UTRN: variants seen among roughly 807,000 people sequenced by gnomAD.
The protein encoded by UTRN is dystrophin-related protein 1.
UTRN carries 283 observed loss-of-function variants against 463.9 expected under a neutral mutation model. The observed-to-expected ratio is 0.61, with a 90% CI of 0.55 to 0.67. The LOEUF (loss-of-function observed/expected upper bound fraction) is 0.67. UTRN is among the 30% of genes least tolerant of loss of function. UTRN has a pLI of 0.00. For synonymous variants in UTRN, 1,442 were observed against 1,431.5 expected (o/e 1.01, Z -0.17); for missense variants, 3,922 against 4,084.3 (o/e 0.96, Z 1.08).
intron 3 of UTRN, among the ~76,000 whole-genome samples, chr6:144,417,908 T>C (rs868032525): frequency 6.6e-6 from 1 of 152,170 alleles, no homozygotes; most frequent in Admixed American, 6.5e-5. Flanking sequence ...TGTTCTCATG[T>C]TCAGGGCCTG....
intron 2 of UTRN, among the ~76,000 whole-genome samples, chr6:144,367,615 A>G (rs1200638083): frequency 2.0e-5 from 3 of 152,186 alleles, no homozygotes; most frequent in South Asian, 2.1e-4. Context: ...ATAGTAACCT[A>G]CTAGGTTAGA....
At chr6:144,338,585 C>T (rs1179384289) in intron 2 of UTRN, among the ~76,000 whole-genome samples, 1 of 152,048 alleles carries the variant, frequency 6.6e-6, no homozygotes, top group African/African-American at 2.4e-5. Context: ...CATGGGAAAC[C>T]TTTAAGGATT....
chr6:144,342,193 T>C (rs1415529961), intron 2 of UTRN, among the ~76,000 whole-genome samples: 1 of 152,134 alleles, frequency 6.6e-6, no homozygotes, highest in East Asian at 1.9e-4. Flanking sequence ...ATAACAAATA[T>C]TGGTGAGGAT....
Position 144,425,807 on chromosome 6 carries a change from T to G in UTRN, c.406-480T>G, listed in dbSNP as rs78156454. Among the ~76,000 whole-genome samples, 1,812 of 152,322 alleles carry G rather than the reference T, an allele frequency of 0.012. 71 individuals carry two copies. The East Asian group carries it at 0.14, about 12-fold the overall frequency. ...ATTCTTTGAGCACTTTCTTAAAACATATTTACTAATTTAGAATAATACTAT... is the reference window on the plus strand; with the variant it reads ...ATTCTTTGAGCACTTTCTTAAAACAGATTTACTAATTTAGAATAATACTAT... On this transcript the variant is annotated intron_variant, in intron 6 of 74. Coordinates refer to ENST00000367545, the MANE Select transcript of UTRN (RefSeq NM_007124.3).
chr6:144,400,526 C>A (rs1273640169), intron 2 of UTRN, among the ~76,000 whole-genome samples: 1 of 152,276 alleles, frequency 6.6e-6, no homozygotes, highest in East Asian at 1.9e-4. Context: ...AAATTTGTTA[C>A]ATTTCAATCT....
At chr6:144,550,520 C>T (rs1442441762) in intron 47 of UTRN, among the ~76,000 whole-genome samples, 1 of 152,108 alleles carries the variant, frequency 6.6e-6, no homozygotes, top group Non-Finnish European at 1.5e-5. Flanking sequence ...TTCCTCTTAG[C>T]ACTTTTCTGT....
chr6:144,667,927 T>C (rs1013836207), intron 51 of UTRN, among the ~76,000 whole-genome samples: 50 of 152,172 alleles, frequency 3.3e-4, no homozygotes, highest in Non-Finnish European at 7.3e-5. Flanking sequence ...TGCAAAAGAT[T>C]CAACAATCTC....
At chr6:144,707,364 T>C (rs569004599) in intron 53 of UTRN, among the ~76,000 whole-genome samples, 1 of 152,320 alleles carries the variant, frequency 6.6e-6, no homozygotes, top group Admixed American at 6.5e-5. Context: ...AGTTGACTTC[T>C]AGACCATCTC....
At position 144,554,209 on chromosome 6, in the gene UTRN, CA is replaced by C. The variant is rs921589314; in HGVS notation, c.6929-470del. ...TTTTCCTGCTACAGTAAAACAAATG[CA>C]AAAAAAAATTCTTACACAGTTCAGT... is the stretch of plus-strand genomic sequence containing the variant. On this transcript the variant is annotated intron_variant, in intron 48 of 74. Transcript: ENST00000367545. Among the ~76,000 whole-genome samples the C allele has an allele frequency of 2.8e-3, 421 of 150,916 alleles. 1 individual carries two copies. Among genetic ancestry groups the C allele is most frequent in the African/African-American group, 9.6e-3 (394 of 41,222 alleles).
At chr6:144,624,840 C>T (rs746396151) in intron 51 of UTRN, among the ~76,000 whole-genome samples, 2 of 152,134 alleles carry the variant, frequency 1.3e-5, no homozygotes, top group Non-Finnish European at 2.9e-5. Flanking sequence ...CTTGATGAGG[C>T]AGTGAGTCTA....
At chr6:144,364,361 CT>C (rs1562297636) in intron 2 of UTRN, among the ~76,000 whole-genome samples, 1 of 152,106 alleles carries the variant, frequency 6.6e-6, no homozygotes, top group Non-Finnish European at 1.5e-5. Flanking sequence ...ATGTTTCCCC[CT>C]GAGAGGTAAA....
chr6:144,796,321 G>C (rs1487563263), intron 63 of UTRN, among the ~76,000 whole-genome samples: 1 of 152,064 alleles, frequency 6.6e-6, no homozygotes, highest in Non-Finnish European at 1.5e-5. Flanking sequence ...ATTTCCTAAA[G>C]GCTCTACCTC....
intron 53 of UTRN, chr6:144,708,413 C>T: frequency 4.7e-6 from 3 of 634,128 alleles, no homozygotes; most frequent in Non-Finnish European, 8.9e-6. Flanking sequence ...TTTGGCCTCT[C>T]ATATTTTCCT....
chr6:144,480,872 A>G (rs1791785768), intron 26 of UTRN, among the ~76,000 whole-genome samples: 1 of 152,228 alleles, frequency 6.6e-6, no homozygotes, highest in Non-Finnish European at 1.5e-5. Flanking sequence ...TTCATACATT[A>G]TTATACATGA....
chr6:144,482,156 G>A (rs1791951415), intron 26 of UTRN, 53 bp from the exon 27 acceptor site: 1 of 1,347,968 alleles, frequency 7.4e-7, no homozygotes, highest in Non-Finnish European at 9.7e-7. Flanking sequence ...AAAGAAATTG[G>A]TTACTGAGAA....
intron 34 of UTRN, among the ~76,000 whole-genome samples, chr6:144,510,185 T>C (rs144202446): frequency 4.6e-5 from 7 of 152,290 alleles, no homozygotes; most frequent in African/African-American, 1.7e-4. Context: ...ATAGTAGCAG[T>C]AGGGTAGATA....
rs559227393 is a variant in UTRN at position 144,376,055 on chromosome 6, C to T, written c.80-27068C>T. Among the ~76,000 whole-genome samples, 61 of 152,246 alleles carry T rather than the reference C, an allele frequency of 4.0e-4. 1 individual carries two copies. The highest frequency in any genetic ancestry group is 1.1e-3 in the African/African-American group (47 of 41,540). The stretch of plus-strand genomic sequence containing the variant: ...CAGGCTGAATGCAGTGGCACGATCA[C>T]AGCTTCCTGCAGTCTTGAACTCTGG... On this transcript the variant is annotated intron_variant, in intron 2 of 74. Coordinates refer to ENST00000367545, the MANE Select transcript of UTRN (RefSeq NM_007124.3).
At chr6:144,446,045 A>T (rs936728136) in intron 14 of UTRN, among the ~76,000 whole-genome samples, 3 of 152,154 alleles carry the variant, frequency 2.0e-5, no homozygotes, top group Admixed American at 2.0e-4. Context: ...TAAAAATAAT[A>T]GTAATAGTAA....
chr6:144,335,617 G>C (rs915371165), intron 2 of UTRN, among the ~76,000 whole-genome samples: 1 of 152,136 alleles, frequency 6.6e-6, no homozygotes, highest in African/African-American at 2.4e-5. Flanking sequence ...GTACTGCATG[G>C]AACAGAGTAG....
Sources: gnomAD v4.1 joint callset for allele counts (sites outside exome capture counted in the v4.1 genomes callset) on GRCh38, gnomAD v4.1.1 for gene constraint, MANE v1.5 for transcripts, NCBI Gene and HGNC (gene_info 2026-07-23, HGNC 2026-07-21) for gene names.